The following MAP2K1 variants were observed in gnomAD, a reference collection of about 807,000 sequenced individuals.
The protein encoded by MAP2K1 is mitogen-activated protein kinase kinase 1.
MAP2K1 carries 16 observed loss-of-function variants against 46.3 expected under a neutral mutation model. The observed-to-expected ratio is 0.35, with a 90% CI of 0.23 to 0.52. The LOEUF (loss-of-function observed/expected upper bound fraction) is 0.52, where lower values mean the gene tolerates loss of function less well. MAP2K1 is among the 20% of genes least tolerant of loss of function. The pLI is 0.94. For synonymous variants in MAP2K1, 183 were observed against 185.6 expected (o/e 0.99, Z 0.11); for missense variants, 263 against 497.1 (o/e 0.53, Z 4.48).
chr15:66,390,200 G>C (rs1434025690), intron 1 of MAP2K1, among the ~76,000 whole-genome samples: 3 of 152,174 alleles, frequency 2.0e-5, no homozygotes, highest in Non-Finnish European at 4.4e-5. Context: ...AGGCATCTTT[G>C]TGTAGGCTGC....
rs563750838 is a variant in MAP2K1, at chr15:66,479,065, A to G, written c.569-2690A>G. On this transcript the variant is annotated intron_variant, in intron 5 of 10. Transcript: ENST00000307102. ...CCCAGTTTTTGCTGTGTGACTTTGA[A>G]CAAGTTGCTGGATCTCTTGGGCCTT... Among the ~76,000 whole-genome samples the G allele has an allele frequency of 7.3e-5, 11 of 150,822 alleles. 1 individual carries two copies. In the East Asian group the frequency reaches 2.1e-3, roughly 29 times the overall value.
intron 1 of MAP2K1, among the ~76,000 whole-genome samples, chr15:66,410,844 C>T (rs1056535325): frequency 1.3e-5 from 2 of 152,110 alleles, no homozygotes; most frequent in Non-Finnish European, 1.5e-5. Flanking sequence ...AGGGATGTGG[C>T]GATCTTTGTA....
intron 1 of MAP2K1, among the ~76,000 whole-genome samples, chr15:66,400,658 G>A: frequency 6.6e-6 from 1 of 152,158 alleles, no homozygotes; most frequent in Non-Finnish European, 1.5e-5. Context: ...TAGAGGCTCA[G>A]TTACATGTTT....
At chr15:66,488,994 ATGTGCT>A in intron 8 of MAP2K1, 1 of 607,562 alleles carries the variant, frequency 1.6e-6, no homozygotes, top group Admixed American at 2.8e-5. Flanking sequence ...CCAATTCTAA[ATGTGCT>A]ATTTGAGATC....
intron 5 of MAP2K1, among the ~76,000 whole-genome samples, chr15:66,462,692 A>G (rs1416788273): frequency 6.6e-6 from 1 of 151,916 alleles, no homozygotes; most frequent in Admixed American, 6.6e-5. Context: ...TTCCAAGGAG[A>G]GGGACTCTTG....
In MAP2K1 at chr15:66,490,651, C is replaced by G. The variant is rs574828384; in HGVS notation, c.*36C>G. ...AGCAACAAAGAGCGAGTCCCCTGCC[C>G]GGTGGTTTGCCATGTCGCTTTTGGG... On this transcript the variant is annotated 3_prime_UTR_variant, in exon 11 of 11. Coordinates refer to ENST00000307102, the MANE Select transcript of MAP2K1 (RefSeq NM_002755.4). 32 of 1,538,808 alleles carry G rather than the reference C, an allele frequency of 2.1e-5. No individual in the cohort carries two copies. The Admixed American group carries it at 3.7e-4, about 18-fold the overall frequency.
chr15:66,399,357 A>C (rs543130028), intron 1 of MAP2K1, among the ~76,000 whole-genome samples: 1 of 152,288 alleles, frequency 6.6e-6, no homozygotes, highest in African/African-American at 2.4e-5. Context: ...AATGTCAACT[A>C]ATATTTGCTC....
In MAP2K1 at chr15:66,491,338, T is replaced by C. The variant is rs773070290; in HGVS notation, c.*723T>C. The C allele has an allele frequency of 7.7e-5, 18 of 233,578 alleles. No homozygotes were observed. The highest frequency in any genetic ancestry group is 1.7e-4 in the Admixed American group (3 of 18,024). 14.5% of individuals were successfully genotyped at this position (233,578 alleles called of 1,614,324 possible). On this transcript the variant is annotated 3_prime_UTR_variant, in exon 11 of 11. Coordinates refer to ENST00000307102, the MANE Select transcript of MAP2K1 (RefSeq NM_002755.4). ...TTGATTAATGTTTCTTAAATGGAAT[T>C]ATTTTGAATGTCACAAATTGATCAA...
chr15:66,420,721 A>ATATATATATATATATGTG (rs1461381065), intron 1 of MAP2K1, among the ~76,000 whole-genome samples: 11 of 29,682 alleles, frequency 3.7e-4, no homozygotes, highest in African/African-American at 1.3e-3. Context: ...ATATATATAT[A>ATATATATATATATATGTG]TGTGTGTGTG....
rs117663844 is a variant in MAP2K1 at position 66,395,736 on chromosome 15, C to T, written c.80+8309C>T. 3.8e-3 allele frequency among the ~76,000 whole-genome samples: 581 copies of T among 151,330 alleles called. 11 individuals are homozygous for T. Among genetic ancestry groups the T allele is most frequent in the Admixed American group, 0.031 (472 of 15,174 alleles). ...GGATTACAGGCGCACACCACCACGC[C>T]GGGCTAATTCTTGTTATTTTTAGTA... On this transcript the variant is annotated intron_variant, in intron 1 of 10. Transcript: ENST00000307102.
At chr15:66,453,343 G>A in intron 5 of MAP2K1, 1 of 615,038 alleles carries the variant, frequency 1.6e-6, no homozygotes, top group Non-Finnish European at 2.9e-6. Context: ...CTGAACAGAT[G>A]TCTTTGATGG....
intron 1 of MAP2K1, among the ~76,000 whole-genome samples, chr15:66,413,977 C>T (rs1245668974): frequency 5.9e-5 from 7 of 117,682 alleles, no homozygotes; most frequent in Non-Finnish European, 1.1e-4. Flanking sequence ...TAATTGTTTA[C>T]ACTTGCCCTT....
intron 1 of MAP2K1, among the ~76,000 whole-genome samples, chr15:66,412,014 C>T (rs1013856968): frequency 1.6e-4 from 24 of 152,090 alleles, no homozygotes; most frequent in African/African-American, 5.8e-4. Context: ...CAATTTTGGT[C>T]CTTTTTGTTA....
intron 1 of MAP2K1, among the ~76,000 whole-genome samples, chr15:66,405,287 T>C (rs2093393637): frequency 6.6e-6 from 1 of 152,164 alleles, no homozygotes; most frequent in Non-Finnish European, 1.5e-5. Context: ...TTTCTGGATC[T>C]TCACTTCCCA....
chr15:66,463,759 C>T (rs1362094099), intron 5 of MAP2K1, among the ~76,000 whole-genome samples: 2 of 152,230 alleles, frequency 1.3e-5, no homozygotes, highest in African/African-American at 2.4e-5. Flanking sequence ...GCTGGGATTA[C>T]AGGCGTGAGC....
chr15:66,413,115 C>T (rs970535114), intron 1 of MAP2K1, among the ~76,000 whole-genome samples: 4 of 152,040 alleles, frequency 2.6e-5, no homozygotes, highest in Non-Finnish European at 4.4e-5. Context: ...AGGCTGGCCT[C>T]GAACTCCTGA....
intron 5 of MAP2K1, among the ~76,000 whole-genome samples, chr15:66,468,241 A>G (rs1047848477): frequency 1.3e-5 from 2 of 152,244 alleles, no homozygotes; most frequent in African/African-American, 4.8e-5. Context: ...TACTGATAGA[A>G]GTACATCTTA....
intron 5 of MAP2K1, among the ~76,000 whole-genome samples, chr15:66,457,620 G>A (rs1397892964): frequency 7.2e-5 from 11 of 152,046 alleles, no homozygotes; most frequent in Non-Finnish European, 5.9e-5. Flanking sequence ...TAACCAAAAG[G>A]GGAAGGAGAA....
intron 6 of MAP2K1, among the ~76,000 whole-genome samples, chr15:66,482,518 A>G (rs984791327): frequency 1.3e-4 from 20 of 152,092 alleles, no homozygotes; most frequent in African/African-American, 4.3e-4. Flanking sequence ...TGTTGAGGGT[A>G]TTTCCTCCTG....
Sources: allele counts gnomAD v4.1 joint callset (sites outside exome capture counted in the v4.1 genomes callset), GRCh38; gene constraint gnomAD v4.1.1; transcripts MANE v1.5; gene names NCBI Gene and HGNC (gene_info 2026-07-23, HGNC 2026-07-21).